HSDL1: variants seen among roughly 807,000 people sequenced by gnomAD.
The protein encoded by HSDL1 is inactive hydroxysteroid dehydrogenase-like protein 1.
A neutral mutation model predicts 31.5 loss-of-function variants in HSDL1; 29 were observed. The ratio of observed to expected loss-of-function variants is 0.92; its 90% confidence interval spans 0.69 to 1.26. The LOEUF (loss-of-function observed/expected upper bound fraction) is 1.26, where lower values mean the gene tolerates loss of function less well. HSDL1 is among the 50% of genes most tolerant of loss of function. The pLI is 0.00. For synonymous variants in HSDL1, 222 were observed against 155.2 expected, an observed-to-expected ratio of 1.43 and a Z score of -3.20; for missense variants, 503 against 416.6, an observed-to-expected ratio of 1.21 and a Z score of -1.81.
At chr16:84,140,911 G>A (rs1311157001) in intron 1 of HSDL1, among the ~76,000 whole-genome samples, 1 of 152,096 alleles carries the variant, frequency 6.6e-6, no homozygotes, top group African/African-American at 2.4e-5. Flanking sequence ...AGACCACGGT[G>A]AAACCCCGTC....
At chr16:84,131,810 G>C (rs1321552862) in intron 2 of HSDL1, among the ~76,000 whole-genome samples, 1 of 152,096 alleles carries the variant, frequency 6.6e-6, no homozygotes, top group Admixed American at 6.5e-5. Flanking sequence ...CTCCGGAGTA[G>C]CTGGGACTAC....
In HSDL1 at chr16:84,124,512, A is replaced by C; in HGVS notation, c.*118T>G. 2.9e-6 allele frequency: 2 copies of C among 694,678 alleles called. No homozygotes were observed. The highest frequency in any genetic ancestry group is 5.0e-4 in the Middle Eastern group (2 of 4,036). 43.0% of individuals were successfully genotyped at this position (694,678 alleles called of 1,614,324 possible). A position where few individuals can be genotyped will look rare whatever the true frequency, so the allele number is the denominator to read the frequency against. Reference sequence around the variant, plus strand: ...ATGTGTGTTTTGCAAATGACGAATCAACAGTATGCTGAATAATCAGCAATG... The same window carrying C: ...ATGTGTGTTTTGCAAATGACGAATCCACAGTATGCTGAATAATCAGCAATG... On this transcript the variant is annotated 3_prime_UTR_variant, in exon 6 of 6. Transcript: ENST00000219439.
At position 84,131,232 on chromosome 16, in the gene HSDL1, G is replaced by A; in HGVS notation, c.90C>T (p.Ala30=). 2 of 1,614,086 alleles carry A rather than the reference G, an allele frequency of 1.2e-6. No individual in the cohort carries two copies. The highest frequency in any genetic ancestry group is 2.2e-5 in the South Asian group (2 of 91,084). The part of the protein sequence containing the change: ...CYMEALALVG[A]WYTARKSITV... ...TGATGCTTTTTCTGGCCGTATACCA[G>A]GCTCCAACCAAAGCTAGAGCTTCCA... The change falls in exon 3 of 6, where the codon GCC becomes GCT. Residue 30 remains alanine (A), a synonymous_variant. Transcript: ENST00000219439.
chr16:84,132,802 C>T (rs1010168233), intron 2 of HSDL1, among the ~76,000 whole-genome samples: 2 of 151,866 alleles, frequency 1.3e-5, no homozygotes, highest in African/African-American at 2.4e-5. Flanking sequence ...GTGCATCCTG[C>T]GAAAGACAAA....
intron 1 of HSDL1, among the ~76,000 whole-genome samples, chr16:84,140,959 T>C (rs1253234376): frequency 2.6e-5 from 4 of 151,824 alleles, no homozygotes; most frequent in Admixed American, 6.6e-5. Context: ...GGCGCAGTGG[T>C]GGGCGCCTGT....
intron 2 of HSDL1, among the ~76,000 whole-genome samples, chr16:84,133,462 C>T (rs1013891987): frequency 6.6e-6 from 1 of 152,188 alleles, no homozygotes; most frequent in Non-Finnish European, 1.5e-5. Flanking sequence ...TTTCCTCAGC[C>T]GGGCGCGGTG....
intron 5 of HSDL1, among the ~76,000 whole-genome samples, chr16:84,129,054 G>A (rs938066929): frequency 6.6e-6 from 1 of 152,038 alleles, no homozygotes; most frequent in South Asian, 2.1e-4. Context: ...TTGAACTTTT[G>A]AAAATTCTTA....
intron 1 of HSDL1, among the ~76,000 whole-genome samples, chr16:84,139,668 G>A (rs897281345): frequency 3.0e-4 from 46 of 152,168 alleles, no homozygotes; most frequent in African/African-American, 1.1e-3. Context: ...AGGAAGGGAT[G>A]GATGAACAGT....
chr16:84,137,102 T>C (rs1396088700), intron 1 of HSDL1, among the ~76,000 whole-genome samples: 4 of 152,166 alleles, frequency 2.6e-5, no homozygotes, highest in Non-Finnish European at 5.9e-5. Context: ...CCATCATGAA[T>C]AAACCAGGAC....
At chr16:84,131,719 C>G (rs1485100254) in intron 2 of HSDL1, among the ~76,000 whole-genome samples, 1 of 149,656 alleles carries the variant, frequency 6.7e-6, no homozygotes, top group African/African-American at 2.5e-5. Flanking sequence ...CTCGCTGTCG[C>G]CCAGGCTGGA....
At chr16:84,143,951 G>A (rs1026321598) in intron 1 of HSDL1, among the ~76,000 whole-genome samples, 3 of 152,098 alleles carry the variant, frequency 2.0e-5, no homozygotes, top group Non-Finnish European at 4.4e-5. Context: ...GCGGGCAGAG[G>A]TAGCAGGAGC....
At chr16:84,127,124 C>T (rs2086615932) in intron 5 of HSDL1, among the ~76,000 whole-genome samples, 1 of 151,068 alleles carries the variant, frequency 6.6e-6, no homozygotes, top group African/African-American at 2.4e-5. Flanking sequence ...TGGTCAGTGA[C>T]TTCTAAGACT....
chr16:84,140,288 C>T (rs1174017233), intron 1 of HSDL1, among the ~76,000 whole-genome samples: 1 of 152,048 alleles, frequency 6.6e-6, no homozygotes, highest in Non-Finnish European at 1.5e-5. Context: ...GTTTTTAGGC[C>T]GAGTCTTGTT....
In HSDL1 at chr16:84,124,357, G is replaced by A. The variant is rs548099255; in HGVS notation, c.*273C>T. On this transcript the variant is annotated 3_prime_UTR_variant, in exon 6 of 6. Transcript: ENST00000219439. ...AGACTGCTGTGGCTCTAGAACAACA[G>A]AAAAGCGTAACTTTCAAACAGCTTA... The A allele has an allele frequency of 3.6e-4, 98 of 275,464 alleles. No individual in the cohort carries two copies. The South Asian group carries it at 5.4e-3, about 15-fold the overall frequency. The allele number at this position is 275,464 out of a possible 1,614,324, so 17.1% of individuals were successfully genotyped here.
intron 5 of HSDL1, among the ~76,000 whole-genome samples, chr16:84,128,649 A>T (rs1367267749): frequency 2.0e-5 from 3 of 152,028 alleles, no homozygotes; most frequent in African/African-American, 7.2e-5. Flanking sequence ...TTTTACTTTG[A>T]AATTCCCATG....
Position 84,123,777 on chromosome 16 carries a change from A to T in HSDL1, c.*853T>A, listed in dbSNP as rs2086576962. 6.6e-6 allele frequency: 1 copy of T among 152,484 alleles called. No homozygotes were observed. The highest frequency in any genetic ancestry group is 2.1e-4 in the South Asian group (1 of 4,834). The allele number at this position is 152,484 out of a possible 1,614,324, so 9.4% of individuals were successfully genotyped here. On this transcript the variant is annotated 3_prime_UTR_variant, in exon 6 of 6. Transcript: ENST00000219439. ...GTCAGAGGCTGAGAAATCACTATTT[A>T]TCCACAAGAATTGCCTTATAAATCA...
At chr16:84,125,254 C>T (rs1338630432) in intron 5 of HSDL1, 1 of 156,172 alleles carries the variant, frequency 6.4e-6, no homozygotes, top group African/African-American at 2.4e-5. Context: ...CAAATACCCA[C>T]CAATCAATCA....
intron 1 of HSDL1, among the ~76,000 whole-genome samples, chr16:84,144,037 C>A (rs2086804413): frequency 7.3e-6 from 1 of 137,406 alleles, no homozygotes; most frequent in Non-Finnish European, 1.6e-5. Flanking sequence ...CAATCAACAC[C>A]CTCCCCCTCC....
In HSDL1 at chr16:84,129,637, C is replaced by G. The variant is rs780862832; in HGVS notation, c.805G>C (p.Val269Leu). 2 of 1,614,166 alleles carry G rather than the reference C, an allele frequency of 1.2e-6. No homozygotes were observed. Among genetic ancestry groups the G allele is most frequent in the Non-Finnish European group, 1.7e-6 (2 of 1,180,040 alleles). Residue 269 changes from valine (V) to leucine (L), a missense_variant, in exon 5 of 6, where the codon GTG becomes CTG. Val to Leu is a conservative substitution (Grantham distance 32). Coordinates refer to ENST00000219439, the MANE Select transcript of HSDL1 (RefSeq NM_031463.5). ...SNFLHRCSWL[V>L]PSPKVYAHHA... ...TGTGCATAGACTTTTGGCGAAGGCA[C>G]CAACCACGAGCACCTGTGCAGAAAG...
Sources: allele counts gnomAD v4.1 joint callset (sites outside exome capture counted in the v4.1 genomes callset), GRCh38; gene constraint gnomAD v4.1.1; transcripts MANE v1.5; gene names NCBI Gene and HGNC (gene_info 2026-07-23, HGNC 2026-07-21).